KCNAB1: variants seen among roughly 807,000 people sequenced by gnomAD.
KCNAB1 encodes potassium voltage-gated channel subfamily A regulatory beta subunit 1, also known as voltage-gated potassium channel subunit beta-1.
A neutral mutation model predicts 64.6 loss-of-function variants in KCNAB1; 35 were observed. The observed-to-expected ratio is 0.54, with a 90% CI of 0.41 to 0.72. The LOEUF is 0.72. Among genes scored for constraint, KCNAB1 ranks in the 30% least tolerant of loss-of-function variants. KCNAB1 has a pLI of 0.00. For synonymous variants in KCNAB1, 177 were observed against 183.8 expected (o/e 0.96, Z 0.30); for missense variants, 401 against 512.9 (o/e 0.78, Z 2.11).
In KCNAB1 at chr3:156,375,180, C is replaced by A. The variant is rs1481444130; in HGVS notation, c.276-46436C>A. ...CCTATATTCATAGTCCAACTTTCTT[C>A]AAACAAGAAAATTGACCCTAGTTAA... On this transcript the variant is annotated intron_variant, in intron 1 of 13. Coordinates refer to ENST00000490337, the MANE Select transcript of KCNAB1 (RefSeq NM_172160.3). 1.5e-5 allele frequency among the ~76,000 whole-genome samples: 2 copies of A among 135,738 alleles called. 1 individual carries two copies. The highest frequency in any genetic ancestry group is 6.6e-5 in the African/African-American group (2 of 30,322). 89.0% of individuals were successfully genotyped at this position (135,738 alleles called of 152,430 possible).
intron 1 of KCNAB1, among the ~76,000 whole-genome samples, chr3:156,254,448 C>T (rs1156828494): frequency 6.6e-6 from 1 of 152,238 alleles, no homozygotes; most frequent in Admixed American, 6.5e-5. Context: ...ACTCAGCTCA[C>T]CCATGCTAAG....
chr3:156,442,240 G>C (rs1401075052), intron 2 of KCNAB1, among the ~76,000 whole-genome samples: 1 of 152,164 alleles, frequency 6.6e-6, no homozygotes, highest in East Asian at 1.9e-4. Context: ...TCTAGGGGTA[G>C]ATTTAGTGCA....
intron 1 of KCNAB1, among the ~76,000 whole-genome samples, chr3:156,305,147 C>T (rs1264916398): frequency 2.0e-5 from 3 of 151,960 alleles, no homozygotes. Flanking sequence ...TGCAAGCGAC[C>T]ATATACCTGA....
chr3:156,354,075 A>G (rs189056974), intron 1 of KCNAB1, among the ~76,000 whole-genome samples: 16,230 of 132,898 alleles, frequency 0.12, 2,511 homozygotes, highest in African/African-American at 0.38. Flanking sequence ...GTGTGTGTGT[A>G]TATATGTGTG....
chr3:156,387,204 A>C (rs1712684527), intron 1 of KCNAB1, among the ~76,000 whole-genome samples: 1 of 151,868 alleles, frequency 6.6e-6, no homozygotes, highest in African/African-American at 2.4e-5. Flanking sequence ...GTGACTGCTG[A>C]AGCAGCCCCG....
chr3:156,286,265 C>T (rs1720094880), intron 1 of KCNAB1, among the ~76,000 whole-genome samples: 1 of 152,174 alleles, frequency 6.6e-6, no homozygotes, highest in African/African-American at 2.4e-5. Flanking sequence ...ATAAATTGCT[C>T]TTCAAACCCA....
At chr3:156,145,738 C>T (rs1715000001) in intron 1 of KCNAB1, among the ~76,000 whole-genome samples, 1 of 152,104 alleles carries the variant, frequency 6.6e-6, no homozygotes, top group South Asian at 2.1e-4. Context: ...AACTGTGTGA[C>T]ATTGGGCCAG....
intron 1 of KCNAB1, among the ~76,000 whole-genome samples, chr3:156,394,886 G>A (rs1351265700): frequency 6.6e-6 from 1 of 152,198 alleles, no homozygotes; most frequent in Non-Finnish European, 1.5e-5. Flanking sequence ...AATGATTAAT[G>A]TGTCAATCAT....
In KCNAB1 at chr3:156,265,649, C is replaced by T. The variant is rs73014123; in HGVS notation, c.275+144763C>T. ...TTTACCCATGCTTTCCCCAAACTGA[C>T]TATAGTTAATTGGATGGTAGATCCC... On this transcript the variant is annotated intron_variant, in intron 1 of 13. Coordinates refer to ENST00000490337, the MANE Select transcript of KCNAB1 (RefSeq NM_172160.3). Among the ~76,000 whole-genome samples, 567 of 152,282 alleles carry T rather than the reference C, an allele frequency of 3.7e-3. 4 individuals carry two copies. Among genetic ancestry groups the T allele is most frequent in the African/African-American group, 0.013 (526 of 41,546 alleles).
At chr3:156,223,023 C>T (rs1041379325) in intron 1 of KCNAB1, among the ~76,000 whole-genome samples, 3 of 152,290 alleles carry the variant, frequency 2.0e-5, no homozygotes, top group South Asian at 2.1e-4. Flanking sequence ...TTGGTGGGTT[C>T]TTGGTCTCAC....
chr3:156,414,269 A>T (rs1431874605), intron 1 of KCNAB1, among the ~76,000 whole-genome samples: 1 of 152,224 alleles, frequency 6.6e-6, no homozygotes, highest in Non-Finnish European at 1.5e-5. Context: ...AATGCCAGAG[A>T]AGGCTTTCCC....
At chr3:156,451,420 G>A (rs1408257872) in intron 2 of KCNAB1, among the ~76,000 whole-genome samples, 1 of 152,146 alleles carries the variant, frequency 6.6e-6, no homozygotes, top group African/African-American at 2.4e-5. Context: ...GTCTAATAAG[G>A]CAGTGTGGTG....
chr3:156,417,432 G>A (rs181762780), intron 1 of KCNAB1, among the ~76,000 whole-genome samples: 93 of 152,252 alleles, frequency 6.1e-4, no homozygotes, highest in East Asian at 2.9e-3. Context: ...TCCCTGTTAC[G>A]TCAACCTTTA....
At chr3:156,500,086 C>T (rs528416923) in intron 8 of KCNAB1, among the ~76,000 whole-genome samples, 1 of 152,296 alleles carries the variant, frequency 6.6e-6, no homozygotes, top group Non-Finnish European at 1.5e-5. Context: ...GCTAAATGAT[C>T]CTTTTGTTTT....
At chr3:156,355,983 A>T (rs145924542) in intron 1 of KCNAB1, among the ~76,000 whole-genome samples, 119 of 151,990 alleles carry the variant, frequency 7.8e-4, no homozygotes, top group African/African-American at 2.7e-3. Context: ...TTAGCCAGGC[A>T]TGGTGGTGTG....
intron 1 of KCNAB1, among the ~76,000 whole-genome samples, chr3:156,155,268 CT>C (rs1381701125): frequency 6.6e-6 from 1 of 152,174 alleles, no homozygotes; most frequent in Non-Finnish European, 1.5e-5. Context: ...GAGTGCTCAC[CT>C]TGAGTTATGC....
intron 1 of KCNAB1, among the ~76,000 whole-genome samples, chr3:156,388,001 G>A (rs770883983): frequency 9.2e-5 from 14 of 151,994 alleles, no homozygotes; most frequent in African/African-American, 2.7e-4. Flanking sequence ...AAAACATATC[G>A]CTGCTATTTA....
intron 1 of KCNAB1, among the ~76,000 whole-genome samples, chr3:156,198,913 ATTTTTTTTTTTTTTTT>A (rs71138701): frequency 9.4e-5 from 2 of 21,294 alleles, no homozygotes; most frequent in Non-Finnish European, 1.8e-4. Context: ...TTATATTTTG[ATTTTTTTTTTTTTTTT>A]TTTTTTTTTT....
At position 156,487,428 on chromosome 3, in the gene KCNAB1, A is replaced by G. The variant is rs553624021; in HGVS notation, c.658+12608A>G. 7.2e-5 allele frequency among the ~76,000 whole-genome samples: 11 copies of G among 152,270 alleles called. No homozygotes were observed. The South Asian group carries it at 2.1e-3, about 29-fold the overall frequency. On this transcript the variant is annotated intron_variant, in intron 8 of 13. Transcript: ENST00000490337. ...CCTCAACCTCTGCAGTTTGGAATTT[A>G]CCCATCATTTCTAAATGTATCCCCA...
Sources: allele counts gnomAD v4.1 joint callset (sites outside exome capture counted in the v4.1 genomes callset), GRCh38; gene constraint gnomAD v4.1.1; transcripts MANE v1.5; gene names NCBI Gene and HGNC (gene_info 2026-07-23, HGNC 2026-07-21).